Variants in GALNT12 observed in about 807,000 individuals in gnomAD.
GALNT12 encodes UDP-GalNAc:polypeptide N-acetylgalactosaminyltransferase 12.
In GALNT12, 45 loss-of-function variants were observed where a neutral mutation model predicts 55.5. The observed-to-expected ratio is 0.81, with a 90% confidence interval of 0.64 to 1.04. GALNT12 has a LOEUF of 1.04. Ranked by LOEUF, GALNT12 falls within the 50% of genes least tolerant of loss-of-function variation. GALNT12 has a pLI of 0.00. For missense variants in GALNT12, 709 were observed against 754.8 expected (o/e 0.94, Z 0.71); for synonymous variants, 304 against 312.2 (o/e 0.97, Z 0.28).
In GALNT12 at chr9:98,849,176, A is replaced by G; in HGVS notation, c.*84A>G. On this transcript the variant is annotated 3_prime_UTR_variant, in exon 10 of 10. Transcript: ENST00000375011. Reference sequence around the variant, plus strand: ...AAAGACTTAGCTAAGCAGTGACCAGAACCCACCAAAAACTAGGCTGCATTG... The same window carrying G: ...AAAGACTTAGCTAAGCAGTGACCAGGACCCACCAAAAACTAGGCTGCATTG... 5.5e-6 allele frequency: 8 copies of G among 1,452,240 alleles called. No individual in the cohort carries two copies. Among genetic ancestry groups the G allele is most frequent in the Non-Finnish European group, 7.7e-6 (8 of 1,037,114 alleles). 90.0% of individuals were successfully genotyped at this position (1,452,240 alleles called of 1,614,324 possible).
At chr9:98,844,887 A>T (rs1043037910) in intron 8 of GALNT12, among the ~76,000 whole-genome samples, 4 of 152,120 alleles carry the variant, frequency 2.6e-5, no homozygotes, top group Non-Finnish European at 5.9e-5. Context: ...CCCTTGGAGG[A>T]TGCAGGAATG....
rs1836006978 is a variant in GALNT12 at position 98,831,875 on chromosome 9, T to G, written c.835T>G (p.Phe279Val). The change falls in exon 4 of 10, where the codon TTC becomes GTC. Residue 279 changes from phenylalanine (F) to valine (V), a missense_variant. By Grantham distance (50) the Phe-to-Val change is conservative. Transcript: ENST00000375011. ...CTCCGGGGAGCCCCAGATCGGCGGT[T>G]TCGACTGGAGGCTGGTGTTCACGTG... ...GNSGEPQIGG[F>V]DWRLVFTWHT... 2 of 1,614,152 alleles carry G rather than the reference T, an allele frequency of 1.2e-6. No homozygotes were observed. Among genetic ancestry groups the G allele is most frequent in the Non-Finnish European group, 8.5e-7 (1 of 1,180,032 alleles).
chr9:98,828,904 A>C (rs1411384008), intron 3 of GALNT12, among the ~76,000 whole-genome samples: 1 of 151,970 alleles, frequency 6.6e-6, no homozygotes, highest in African/African-American at 2.4e-5. Context: ...ATCTTGGCTC[A>C]CTGCAACCTC....
intron 6 of GALNT12, among the ~76,000 whole-genome samples, chr9:98,839,636 C>G (rs1161882173): frequency 6.6e-6 from 1 of 152,172 alleles, no homozygotes; most frequent in African/African-American, 2.4e-5. Flanking sequence ...GGTTGGGTTT[C>G]AGGATGACTT....
intron 1 of GALNT12, among the ~76,000 whole-genome samples, chr9:98,820,968 T>C (rs1460047713): frequency 6.6e-6 from 1 of 152,172 alleles, no homozygotes; most frequent in African/African-American, 2.4e-5. Flanking sequence ...TAGAGACACA[T>C]ATCGAACTAT....
intron 8 of GALNT12, among the ~76,000 whole-genome samples, 156 bp from the exon 9 acceptor site, chr9:98,845,821 G>A (rs1029945506): frequency 1.3e-5 from 2 of 152,160 alleles, no homozygotes; most frequent in African/African-American, 4.8e-5. Context: ...AGGGCTGTGG[G>A]ATGCGGAGGA....
rs377392016 is a variant in GALNT12 at position 98,823,443 on chromosome 9, C to G, written c.541+18C>G. 2 of 1,610,980 alleles carry G rather than the reference C, an allele frequency of 1.2e-6. No individual in the cohort carries two copies. Among genetic ancestry groups the G allele is most frequent in the East Asian group, 2.2e-5 (1 of 44,872 alleles). On this transcript the variant is annotated intron_variant, in intron 2 of 9. Transcript: ENST00000375011. Reference sequence around the variant, plus strand: ...TGATAGAGGTGAGTCCCGGCCAGGGCTCTGGGAAGAGCCTGTCCTTCTGTA... The same window carrying G: ...TGATAGAGGTGAGTCCCGGCCAGGGGTCTGGGAAGAGCCTGTCCTTCTGTA...
Position 98,849,299 on chromosome 9 carries a change from T to C in GALNT12, c.*207T>C. On this transcript the variant is annotated 3_prime_UTR_variant, in exon 10 of 10. Coordinates refer to ENST00000375011, the MANE Select transcript of GALNT12 (RefSeq NM_024642.5). ...ACTTATTTTGAGAACTTTTTAAATGTTCCAAAATACCCTATTTTCAAAGGG... is the reference window on the plus strand; with the variant it reads ...ACTTATTTTGAGAACTTTTTAAATGCTCCAAAATACCCTATTTTCAAAGGG... 1 of 612,708 alleles carries C rather than the reference T, an allele frequency of 1.6e-6. No individual in the cohort carries two copies. Among genetic ancestry groups the C allele is most frequent in the South Asian group, 2.0e-5 (1 of 50,544 alleles). 38.0% of individuals were successfully genotyped at this position (612,708 alleles called of 1,614,324 possible). A position where few individuals can be genotyped will look rare whatever the true frequency, so the allele number is the denominator to read the frequency against.
At chr9:98,814,354 G>C (rs765875622) in intron 1 of GALNT12, among the ~76,000 whole-genome samples, 2 of 152,132 alleles carry the variant, frequency 1.3e-5, no homozygotes, top group Non-Finnish European at 2.9e-5. Flanking sequence ...TTTCTACAGA[G>C]GATATGATTT....
intron 7 of GALNT12, among the ~76,000 whole-genome samples, chr9:98,841,775 A>G (rs1229691763): frequency 2.0e-5 from 3 of 151,820 alleles, no homozygotes; most frequent in Non-Finnish European, 4.4e-5. Flanking sequence ...GGTTCAAGCA[A>G]TTCTCCTGCC....
chr9:98,813,490 C>T (rs1835538735), intron 1 of GALNT12, among the ~76,000 whole-genome samples: 1 of 147,100 alleles, frequency 6.8e-6, no homozygotes, highest in African/African-American at 2.4e-5. Context: ...GCTAAGCCAT[C>T]CATTTAAAAA....
At chr9:98,839,292 T>C (rs571159504) in intron 6 of GALNT12, among the ~76,000 whole-genome samples, 47 of 152,360 alleles carry the variant, frequency 3.1e-4, no homozygotes, top group African/African-American at 1.1e-3. Flanking sequence ...AAACATGTAC[T>C]TATTATTACC....
intron 9 of GALNT12, 170 bp from the exon 10 acceptor site, chr9:98,848,782 G>T (rs1836478232): frequency 7.9e-6 from 6 of 755,914 alleles, no homozygotes; most frequent in Non-Finnish European, 1.3e-5. Context: ...GTACAAGCCT[G>T]GTGCTGTGTC....
chr9:98,840,005 C>A lies in GALNT12; in HGVS notation c.1216C>A (p.Pro406Thr), dbSNP rs769837927. The A allele has an allele frequency of 4.4e-5, 71 of 1,613,952 alleles. No individual in the cohort carries two copies. Among genetic ancestry groups the A allele is most frequent in the Non-Finnish European group, 5.8e-5 (68 of 1,179,970 alleles). ...CACTGTTTTGTTGTTTTCTCAGGAA[C>A]CTTTTGGGGATGTGACAGAGAGGAA... ...YHRNPRARLE[P>T]FGDVTERKQL... Residue 406 changes from proline (P) to threonine (T), a missense_variant, in exon 7 of 10, where the codon CCT becomes ACT. Transcript: ENST00000375011.
intron 8 of GALNT12, chr9:98,844,655 G>T (rs1295041086): frequency 4.4e-6 from 1 of 224,742 alleles, no homozygotes. Flanking sequence ...TAACAGATCT[G>T]CATTTCAGAT....
At chr9:98,818,196 A>C (rs992050343) in intron 1 of GALNT12, among the ~76,000 whole-genome samples, 1 of 152,104 alleles carries the variant, frequency 6.6e-6, no homozygotes, top group Non-Finnish European at 1.5e-5. Flanking sequence ...TATTTATCCA[A>C]TATCGGATGT....
chr9:98,835,412 C>G (rs761684895), intron 5 of GALNT12, 46 bp downstream of exon 5: 3 of 1,204,728 alleles, frequency 2.5e-6, no homozygotes, highest in East Asian at 2.3e-5. Context: ...AACTGATTCT[C>G]TCTTTGGGAA....
chr9:98,818,914 G>A (rs1835674488), intron 1 of GALNT12, among the ~76,000 whole-genome samples: 1 of 152,174 alleles, frequency 6.6e-6, no homozygotes, highest in Non-Finnish European at 1.5e-5. Context: ...TGTCACTTGG[G>A]ACTTTGATCC....
chr9:98,844,415 A>G, intron 8 of GALNT12: 1 of 576,338 alleles, frequency 1.7e-6, no homozygotes, highest in South Asian at 2.1e-5. Context: ...TATGTGTTGT[A>G]AATAGTTGTC....
Sources: gnomAD v4.1 joint callset for allele counts (sites outside exome capture counted in the v4.1 genomes callset) on GRCh38, gnomAD v4.1.1 for gene constraint, MANE v1.5 for transcripts, NCBI Gene and HGNC (gene_info 2026-07-23, HGNC 2026-07-21) for gene names.